The following CDH23 variants were observed in gnomAD, a reference collection of about 807,000 sequenced individuals.
CDH23 encodes cadherin related 23.
A neutral mutation model predicts 317.1 loss-of-function variants in CDH23; 189 were observed. That is an observed-to-expected ratio of 0.60 (90% CI 0.53 to 0.67). The LOEUF is 0.67. CDH23 is among the 30% of genes least tolerant of loss of function. The probability of loss-of-function intolerance (pLI) is 0.00; values close to 1 mark genes in which losing one functional copy is unlikely to be tolerated. For missense variants in CDH23, 4,401 were observed against 4,592.4 expected (o/e 0.96, Z 1.20); for synonymous variants, 1,839 against 1,876.8 (o/e 0.98, Z 0.52).
intron 22 of CDH23, among the ~76,000 whole-genome samples, chr10:71,697,707 TG>T (rs1243567918): frequency 6.6e-6 from 1 of 151,514 alleles, no homozygotes; most frequent in East Asian, 1.9e-4. Context: ...TGCCTGCCTT[TG>T]GGGAGTGTCA....
intron 14 of CDH23, among the ~76,000 whole-genome samples, chr10:71,674,176 T>C (rs1864262957): frequency 6.6e-6 from 1 of 152,210 alleles, no homozygotes; most frequent in Admixed American, 6.5e-5. Flanking sequence ...TTCATTTCAT[T>C]CATTTGGGAT....
intron 6 of CDH23, among the ~76,000 whole-genome samples, chr10:71,517,824 G>A (rs1854423814): frequency 2.0e-5 from 3 of 152,318 alleles, no homozygotes; most frequent in South Asian, 4.1e-4. Flanking sequence ...TTTTCTGGCT[G>A]AGCGGCAGCC....
At chr10:71,428,883 C>T (rs550677020) in intron 1 of CDH23, among the ~76,000 whole-genome samples, 2 of 152,306 alleles carry the variant, frequency 1.3e-5, no homozygotes, top group Admixed American at 6.5e-5. Flanking sequence ...AGCCACCACG[C>T]CTGGCTGGCC....
chr10:71,538,579 G>A (rs1480206667), intron 6 of CDH23, among the ~76,000 whole-genome samples: 1 of 152,118 alleles, frequency 6.6e-6, no homozygotes, highest in Non-Finnish European at 1.5e-5. Flanking sequence ...CGATTAATCT[G>A]ATTTTAGCAA....
chr10:71,811,259 G>A (rs1841912363), intron 62 of CDH23, 56 bp from the exon 63 acceptor site: 1 of 1,612,816 alleles, frequency 6.2e-7, no homozygotes, highest in Non-Finnish European at 8.5e-7. Context: ...AGAGCAGACT[G>A]TCGGTGGTGG....
At chr10:71,441,653 C>A (rs796805552) in intron 2 of CDH23, among the ~76,000 whole-genome samples, 6 of 151,490 alleles carry the variant, frequency 4.0e-5, no homozygotes, top group African/African-American at 1.5e-4. Context: ...ACCCAGGAGG[C>A]GGAGGTTGCA....
chr10:71,754,748 G>A (rs934061338), intron 38 of CDH23, among the ~76,000 whole-genome samples: 1 of 152,148 alleles, frequency 6.6e-6, no homozygotes, highest in Non-Finnish European at 1.5e-5. Flanking sequence ...GCAATGAGGA[G>A]TAAGTGAGAG....
At chr10:71,493,492 C>T (rs1268898677) in intron 3 of CDH23, among the ~76,000 whole-genome samples, 3 of 152,164 alleles carry the variant, frequency 2.0e-5, no homozygotes, top group African/African-American at 4.8e-5. Context: ...AAGAGACATG[C>T]CTGAGGTAAG....
At chr10:71,577,774 T>C in intron 8 of CDH23, 140 bp from the exon 9 acceptor site, 1 of 698,644 alleles carries the variant, frequency 1.4e-6, no homozygotes, top group Non-Finnish European at 2.5e-6. Flanking sequence ...AGCTGATGCC[T>C]GAGCCCTTGG....
At chr10:71,736,703 A>G (rs1377207939) in intron 34 of CDH23, among the ~76,000 whole-genome samples, 3 of 152,188 alleles carry the variant, frequency 2.0e-5, no homozygotes, top group Non-Finnish European at 4.4e-5. Context: ...AGCAGTAGTC[A>G]TTGTGGGAAC....
intron 24 of CDH23, among the ~76,000 whole-genome samples, chr10:71,704,380 CACAA>C (rs1356143461): frequency 6.6e-6 from 1 of 152,088 alleles, no homozygotes; most frequent in Non-Finnish European, 1.5e-5. Flanking sequence ...TGTGCATGGC[CACAA>C]ACAGTTTTTT....
At chr10:71,491,954 C>T (rs920544855) in intron 3 of CDH23, among the ~76,000 whole-genome samples, 8 of 152,182 alleles carry the variant, frequency 5.3e-5, no homozygotes, top group African/African-American at 9.7e-5. Context: ...AGGGAGGTCA[C>T]GTCCAGGGCT....
At chr10:71,760,854 G>A (rs1564780735) in intron 38 of CDH23, 2 of 1,610,362 alleles carry the variant, frequency 1.2e-6, no homozygotes, top group Non-Finnish European at 1.7e-6. Context: ...AGGGGCAAGA[G>A]GTTGGTCCCT....
intron 14 of CDH23, among the ~76,000 whole-genome samples, chr10:71,672,208 A>T (rs1864177698): frequency 6.6e-6 from 1 of 151,876 alleles, no homozygotes; most frequent in Non-Finnish European, 1.5e-5. Flanking sequence ...GTTCAAGCGG[A>T]GGGGGCAGAG....
rs138498665 is a variant in CDH23 at position 71,507,467 on chromosome 10, A to G, written c.146-2615A>G. 0.011 allele frequency among the ~76,000 whole-genome samples: 1,638 copies of G among 152,324 alleles called. 48 individuals carry two copies. In the East Asian group the frequency reaches 0.12, roughly 12 times the overall value. ...AGCACTTTGGTAGGCCGAGGTGGGC[A>G]GATCACTTGGGGTCAGGAGTTCAAT... is the stretch of plus-strand genomic sequence containing the variant. On this transcript the variant is annotated intron_variant, in intron 3 of 69. Coordinates refer to ENST00000224721, the MANE Select transcript of CDH23 (RefSeq NM_022124.6).
At chr10:71,639,126 TG>T (rs1862412671) in intron 11 of CDH23, among the ~76,000 whole-genome samples, 2 of 152,240 alleles carry the variant, frequency 1.3e-5, no homozygotes, top group African/African-American at 4.8e-5. Flanking sequence ...CAGCCTGTAG[TG>T]GCTGGGCTCT....
chr10:71,642,534 G>T (rs1341035748), intron 11 of CDH23, among the ~76,000 whole-genome samples: 1 of 151,876 alleles, frequency 6.6e-6, no homozygotes, highest in African/African-American at 2.4e-5. Flanking sequence ...GAGTAGCTGG[G>T]ATTACAGGCG....
At chr10:71,695,330 TG>T in intron 21 of CDH23, 87 bp from the exon 22 acceptor site, 1 of 904,364 alleles carries the variant, frequency 1.1e-6, no homozygotes, top group Non-Finnish European at 1.9e-6. Context: ...AGATTGCCCG[TG>T]GGCATCTGAG....
chr10:71,786,374 G>C, intron 44 of CDH23, among the ~76,000 whole-genome samples: 1 of 152,082 alleles, frequency 6.6e-6, no homozygotes, highest in Non-Finnish European at 1.5e-5. Context: ...CTCAGCCAAG[G>C]CACCACTCTT....
Sources: gnomAD v4.1 joint callset for allele counts (sites outside exome capture counted in the v4.1 genomes callset) on GRCh38, gnomAD v4.1.1 for gene constraint, MANE v1.5 for transcripts, NCBI Gene and HGNC (gene_info 2026-07-23, HGNC 2026-07-21) for gene names.